Variants in ZNF827 observed in about 807,000 individuals in gnomAD.
ZNF827 encodes zinc finger protein 827.
A neutral mutation model predicts 102.4 loss-of-function variants in ZNF827; 13 were observed. That is an observed-to-expected ratio of 0.13 (90% confidence interval 0.08 to 0.20). ZNF827 has a LOEUF of 0.20. Among genes scored for constraint, ZNF827 ranks in the 10% least tolerant of loss-of-function variants. The pLI is 1.00. For synonymous variants in ZNF827, 523 were observed against 536.2 expected (o/e 0.98, Z 0.34); for missense variants, 1,103 against 1,344.4 (o/e 0.82, Z 2.81).
In ZNF827 at chr4:145,903,152, G is replaced by C. The variant is rs1178850415; in HGVS notation, c.107C>G (p.Ser36Cys). 1 of 1,614,226 alleles carries C rather than the reference G, an allele frequency of 6.2e-7. No homozygotes were observed. The highest frequency in any genetic ancestry group is 1.7e-5 in the Admixed American group (1 of 60,030). ...LSEGEHWYGN[S>C]SETPSEASYG... ...GGATGCTTCTGACGGAGTCTCTGAA[G>C]AGTTTCCATACCAGTGTTCTCCTTC... Residue 36 changes from serine to cysteine, a missense_variant, in exon 2 of 15, where the codon TCT (serine) becomes TGT (cysteine). Physicochemically the swap from Ser to Cys is moderately radical, Grantham distance 112. Around this residue, in one of 5 missense-constraint regions of ZNF827, gnomAD observed 441 missense variants for 458.6 expected, o/e 0.96. Transcript: ENST00000508784.
At position 145,833,239 on chromosome 4, in the gene ZNF827, A is replaced by C. The variant is rs1210575515; in HGVS notation, c.2280-9714T>G. On this transcript the variant is annotated intron_variant, in intron 7 of 14. Coordinates refer to ENST00000508784, the MANE Select transcript of ZNF827 (RefSeq NM_001306215.2). ...TTCTCCTTTCAATCTTGGCGCCACA[A>C]TTCAATCTCTCCCTTCTCTTAATTT... 14 of 151,644 alleles carry C rather than the reference A, an allele frequency of 9.2e-5. No homozygotes were observed. In the South Asian group the frequency reaches 1.2e-3, roughly 13 times the overall value. The allele number at this position is 151,644 out of a possible 1,614,324, so 9.4% of individuals were successfully genotyped here. A position where few individuals can be genotyped will look rare whatever the true frequency, so the allele number is the denominator to read the frequency against.
intron 9 of ZNF827, 79 bp downstream of exon 9, chr4:145,779,295 A>C: frequency 1.3e-6 from 2 of 1,525,690 alleles, no homozygotes; most frequent in Non-Finnish European, 1.8e-6. Flanking sequence ...TGCCTCTCTT[A>C]GAGAAACTCA....
chr4:145,796,339 A>G (rs1268922806), intron 8 of ZNF827, among the ~76,000 whole-genome samples: 3 of 152,224 alleles, frequency 2.0e-5, no homozygotes, highest in Admixed American at 6.5e-5. Flanking sequence ...GATGTACACG[A>G]AACTGGGAAC....
chr4:145,793,367 C>T (rs1213358029), intron 8 of ZNF827, among the ~76,000 whole-genome samples: 3 of 5,008 alleles, frequency 6.0e-4, no homozygotes, highest in Non-Finnish European at 1.3e-3. Flanking sequence ...TAAGTTTTAA[C>T]TTACACTATC....
At chr4:145,889,742 C>G (rs148959569) in intron 3 of ZNF827, among the ~76,000 whole-genome samples, 3 of 152,050 alleles carry the variant, frequency 2.0e-5, no homozygotes, top group African/African-American at 4.8e-5. Context: ...TCTGGGAGAC[C>G]GAGGCAAGTG....
intron 3 of ZNF827, among the ~76,000 whole-genome samples, chr4:145,889,837 C>A (rs183032519): frequency 5.7e-4 from 87 of 151,970 alleles, no homozygotes; most frequent in African/African-American, 2.1e-3. Flanking sequence ...ATTAGCCAGG[C>A]GTGGTGGCGG....
intron 7 of ZNF827, chr4:145,830,673 T>A (rs1024964845): frequency 6.6e-6 from 1 of 152,226 alleles, no homozygotes; most frequent in Non-Finnish European, 1.5e-5. Context: ...ACATGTTGTA[T>A]AACATATTTA....
At position 145,902,230 on chromosome 4, in the gene ZNF827, TGGTGGTGGTGGTGGA is replaced by T. The variant is rs761176456; in HGVS notation, c.1014_1028del (p.Pro339_Pro343del). 6.5e-7 allele frequency: 1 copy of T among 1,535,264 alleles called. No individual in the cohort carries two copies. The highest frequency in any genetic ancestry group is 1.8e-5 in the Admixed American group (1 of 55,108). On this transcript the variant is annotated inframe_deletion, in exon 2 of 15. Coordinates refer to ENST00000508784, the MANE Select transcript of ZNF827 (RefSeq NM_001306215.2). The surrounding 1 kb of genome is among the most constrained non-coding windows in gnomAD (Gnocchi z 4.3). ...GGAGTAATAATAATTCCAGGGATTG[TGGTGGTGGTGGTGGA>T]GGTGGTGGAGGTGGCGGTGGAGGTG...
chr4:145,823,494 A>G lies in ZNF827; in HGVS notation c.2311T>C (p.Ser771Pro), dbSNP rs150235809. The G allele has an allele frequency of 1.4e-4, 189 of 1,388,186 alleles. No individual in the cohort carries two copies. In the African/African-American group the frequency reaches 2.7e-3, roughly 20 times the overall value. 86.0% of individuals were successfully genotyped at this position (1,388,186 alleles called of 1,614,324 possible). Residue 771 changes from serine to proline, a missense_variant, in exon 8 of 15, where the codon TCA (serine) becomes CCA (proline). Coordinates refer to ENST00000508784, the MANE Select transcript of ZNF827 (RefSeq NM_001306215.2). ...PFFSEDTFRQ[S>P]PFTSNSKELL... ...TCTTTTGAATTGGAGGTGAATGGTG[A>G]TTGTCTAAATGTGTCTTCTGAAAAG...
chr4:145,927,383 A>C (rs1243043053), intron 1 of ZNF827, among the ~76,000 whole-genome samples: 1 of 152,224 alleles, frequency 6.6e-6, no homozygotes, highest in Non-Finnish European at 1.5e-5. Flanking sequence ...ATTCAGCTTG[A>C]AAAGTATTTT....
intron 8 of ZNF827, among the ~76,000 whole-genome samples, chr4:145,810,690 T>C (rs1177253735): frequency 6.6e-6 from 1 of 152,228 alleles, no homozygotes; most frequent in Non-Finnish European, 1.5e-5. Flanking sequence ...GTTTCCTTTT[T>C]TTATCTAACA....
In ZNF827 at chr4:145,823,500, T is replaced by G; in HGVS notation, c.2305A>C (p.Arg769=). The change falls in exon 8 of 15, where the codon AGA becomes CGA. Residue 769 remains arginine, a synonymous_variant. Coordinates refer to ENST00000508784, the MANE Select transcript of ZNF827 (RefSeq NM_001306215.2). ...TSPFFSEDTF[R]QSPFTSNSKE... Reference sequence around the variant, plus strand: ...GAATTGGAGGTGAATGGTGATTGTCTAAATGTGTCTTCTGAAAAGAAAGGG... The same window carrying G: ...GAATTGGAGGTGAATGGTGATTGTCGAAATGTGTCTTCTGAAAAGAAAGGG... The G allele has an allele frequency of 6.2e-7, 1 of 1,607,930 alleles. No homozygotes were observed. The highest frequency in any genetic ancestry group is 8.5e-7 in the Non-Finnish European group (1 of 1,179,136).
Position 145,903,060 on chromosome 4 carries a change from G to A in ZNF827, c.199C>T (p.Pro67Ser), listed in dbSNP as rs780549116. Reference sequence around the variant, plus strand: ...GTCGTGCTTCCCAAGGAGGTGTCCGGGGACGTGGACTGCTCCTGGATCCGG... The same window carrying A: ...GTCGTGCTTCCCAAGGAGGTGTCCGAGGACGTGGACTGCTCCTGGATCCGG... Reference protein sequence around the residue: ...EDRIQEQSTSPDTSLGSTTPS... With the variant: ...EDRIQEQSTSSDTSLGSTTPS... Residue 67 changes from proline (P) to serine (S), a missense_variant, in exon 2 of 15, where the codon CCG becomes TCG. Transcript: ENST00000508784. The A allele has an allele frequency of 6.2e-7, 1 of 1,614,162 alleles. No individual in the cohort carries two copies. Among genetic ancestry groups the A allele is most frequent in the Non-Finnish European group, 8.5e-7 (1 of 1,180,040 alleles).
At chr4:145,829,770 A>G (rs1744026173) in intron 7 of ZNF827, among the ~76,000 whole-genome samples, 1 of 152,180 alleles carries the variant, frequency 6.6e-6, no homozygotes, top group Non-Finnish European at 1.5e-5. Context: ...CCCTCCTGGT[A>G]ACAGTGTCTT....
intron 2 of ZNF827, among the ~76,000 whole-genome samples, chr4:145,901,925 A>G (rs1163019815): frequency 6.6e-6 from 1 of 152,216 alleles, no homozygotes; most frequent in Admixed American, 6.5e-5. Flanking sequence ...AAGGGAGGGA[A>G]TGCTGTATGT....
At chr4:145,838,801 A>G (rs1232980906) in intron 7 of ZNF827, among the ~76,000 whole-genome samples, 10 of 152,232 alleles carry the variant, frequency 6.6e-5, no homozygotes, top group Admixed American at 6.5e-4. Context: ...TAGTAGGACT[A>G]AAAATACATT....
At chr4:145,826,747 G>A (rs1743722076) in intron 7 of ZNF827, among the ~76,000 whole-genome samples, 1 of 152,016 alleles carries the variant, frequency 6.6e-6, no homozygotes, top group African/African-American at 2.4e-5. Flanking sequence ...ACCACTGTGG[G>A]TCTTTTTTTC....
intron 8 of ZNF827, among the ~76,000 whole-genome samples, chr4:145,803,033 A>G (rs541866766): frequency 6.6e-6 from 1 of 152,198 alleles, no homozygotes; most frequent in African/African-American, 2.4e-5. Flanking sequence ...GTAACTATCT[A>G]TCCTCTCTTC....
intron 7 of ZNF827, chr4:145,830,517 T>C (rs2126539097): frequency 6.6e-6 from 1 of 152,282 alleles, no homozygotes; most frequent in East Asian, 1.9e-4. Flanking sequence ...AATAAGAATA[T>C]TTCATTTTCA....
Sources: gnomAD v4.1 joint callset for allele counts (sites outside exome capture counted in the v4.1 genomes callset) on GRCh38, gnomAD v4.1.1 for gene constraint, gnomAD v4.1.1 regional missense constraint, Gnocchi (gnomAD v3.1) non-coding constraint, MANE v1.5 for transcripts, NCBI Gene and HGNC (gene_info 2026-07-23, HGNC 2026-07-21) for gene names.